The following ATP1B3 variants were observed in gnomAD, a reference collection of about 807,000 sequenced individuals.
ATP1B3 encodes the protein sodium/potassium-transporting ATPase subunit beta-3.
In ATP1B3, 10 loss-of-function variants were observed where a neutral mutation model predicts 30.2. That is an observed-to-expected ratio of 0.33 (90% CI 0.20 to 0.56). The LOEUF is 0.56. Among genes scored for constraint, ATP1B3 ranks in the 20% least tolerant of loss-of-function variants. The probability of loss-of-function intolerance (pLI) is 0.90; values close to 1 mark genes in which losing one functional copy is unlikely to be tolerated. For missense variants in ATP1B3, 238 were observed against 336.7 expected (o/e 0.71, Z 2.29); for synonymous variants, 113 against 117.0 (o/e 0.97, Z 0.22).
chr3:141,912,172 A>G (rs2107776264), intron 3 of ATP1B3, among the ~76,000 whole-genome samples: 1 of 147,890 alleles, frequency 6.8e-6, no homozygotes, highest in African/African-American at 2.5e-5. Flanking sequence ...TCTGGTAAGT[A>G]TAAGATGAAA....
At chr3:141,877,411 G>C (rs1250338090) in intron 1 of ATP1B3, 1 of 152,274 alleles carries the variant, frequency 6.6e-6, no homozygotes, top group Non-Finnish European at 1.5e-5. Flanking sequence ...CTTGTGACTC[G>C]TCCACGCTGC....
chr3:141,879,499 C>T (rs890789589), intron 1 of ATP1B3, among the ~76,000 whole-genome samples: 2 of 151,754 alleles, frequency 1.3e-5, no homozygotes, highest in South Asian at 4.2e-4. Flanking sequence ...GGGCCGGGCG[C>T]GGTGGCTCAC....
chr3:141,918,067 T>G (rs1261669650), intron 5 of ATP1B3, among the ~76,000 whole-genome samples: 1 of 151,986 alleles, frequency 6.6e-6, no homozygotes, highest in Non-Finnish European at 1.5e-5. Context: ...CGCGCCCAGC[T>G]GAGCTTTTCT....
chr3:141,899,265 A>G (rs1337432758), intron 1 of ATP1B3, among the ~76,000 whole-genome samples: 4 of 152,256 alleles, frequency 2.6e-5, no homozygotes, highest in African/African-American at 9.6e-5. Context: ...AATATACAAA[A>G]GATTATAAAC....
At chr3:141,877,212 C>A (rs1394365690) in intron 1 of ATP1B3, among the ~76,000 whole-genome samples, 1 of 117,702 alleles carries the variant, frequency 8.5e-6, no homozygotes, top group Admixed American at 8.4e-5. Context: ...CCCGGCGCGG[C>A]GCCGGAAGCC....
In ATP1B3 at chr3:141,907,288, C is replaced by G. The variant is rs1934280468; in HGVS notation, c.346+14C>G. ...AGTTTCTAAAACGTGAGTATGTTTT[C>G]TTAGAGTAAGGTCAGAGATTTTAGT... On this transcript the variant is annotated intron_variant, in intron 3 of 6. Transcript: ENST00000286371. 1 of 1,591,642 alleles carries G rather than the reference C, an allele frequency of 6.3e-7. No homozygotes were observed. The highest frequency in any genetic ancestry group is 8.6e-7 in the Non-Finnish European group (1 of 1,162,974).
chr3:141,925,965 GGTCTT>G lies in ATP1B3; in HGVS notation c.*268_*272del. The G allele has an allele frequency of 2.6e-6, 1 of 391,862 alleles. No individual in the cohort carries two copies. Among genetic ancestry groups the G allele is most frequent in the South Asian group, 7.5e-5 (1 of 13,348 alleles). 24.3% of individuals were successfully genotyped at this position (391,862 alleles called of 1,614,324 possible). On this transcript the variant is annotated 3_prime_UTR_variant, in exon 7 of 7. Transcript: ENST00000286371. ...CCTGATTCCAAACATGTAGGATGGG[GGTCTT>G]GTCCTCTTTTTATGTGGTTTAATTG...
At chr3:141,893,338 C>G (rs1041981892) in intron 1 of ATP1B3, among the ~76,000 whole-genome samples, 1 of 152,038 alleles carries the variant, frequency 6.6e-6, no homozygotes, top group Non-Finnish European at 1.5e-5. Context: ...TAAAATTTTA[C>G]CTTTTTATTT....
chr3:141,883,715 A>C (rs1032805289), intron 1 of ATP1B3, among the ~76,000 whole-genome samples: 1 of 152,170 alleles, frequency 6.6e-6, no homozygotes, highest in African/African-American at 2.4e-5. Context: ...AGTACTATGA[A>C]TGTTTCCATG....
At chr3:141,907,141 A>G in intron 2 of ATP1B3, 26 bp from the exon 3 acceptor site, 1 of 1,516,758 alleles carries the variant, frequency 6.6e-7, no homozygotes. Context: ...GAAATTTGAT[A>G]ATCTCTCCCT....
intron 1 of ATP1B3, among the ~76,000 whole-genome samples, chr3:141,901,689 A>G (rs1934165327): frequency 6.7e-6 from 1 of 149,450 alleles, no homozygotes; most frequent in Non-Finnish European, 1.5e-5. Flanking sequence ...CATATCTGCT[A>G]TATATTTATT....
chr3:141,913,281 C>G (rs1452330992), intron 3 of ATP1B3, among the ~76,000 whole-genome samples: 1 of 151,688 alleles, frequency 6.6e-6, no homozygotes, highest in Non-Finnish European at 1.5e-5. Context: ...CTTAATGACT[C>G]TCTTCCCCAC....
intron 2 of ATP1B3, among the ~76,000 whole-genome samples, chr3:141,904,930 C>T (rs1248187062): frequency 2.0e-5 from 3 of 151,884 alleles, no homozygotes; most frequent in Admixed American, 2.0e-4. Context: ...AGGCTGGTCT[C>T]GAACTCCTGA....
chr3:141,903,984 A>G (rs901933255), intron 2 of ATP1B3, among the ~76,000 whole-genome samples: 1 of 152,004 alleles, frequency 6.6e-6, no homozygotes, highest in Non-Finnish European at 1.5e-5. Context: ...GGGTTTTTCC[A>G]TGTTGGTCAG....
At position 141,919,298 on chromosome 3, in the gene ATP1B3, C is replaced by T. The variant is rs1242623750; in HGVS notation, c.583-2679C>T. The stretch of plus-strand genomic sequence containing the variant: ...TGCTTTTTTTTTTTCTCTCTCTCTC[C>T]ATAGAGACAGGGTGTCACCATGTTG... On this transcript the variant is annotated intron_variant, in intron 5 of 6. Transcript: ENST00000286371. Among the ~76,000 whole-genome samples, 6 of 151,042 alleles carry T rather than the reference C, an allele frequency of 4.0e-5. No homozygotes were observed. In the East Asian group the frequency reaches 9.8e-4, roughly 25 times the overall value.
rs1934406600 is a variant in ATP1B3 at position 141,913,656 on chromosome 3, T to C, written c.351T>C (p.Tyr117=). The C allele has an allele frequency of 6.2e-7, 1 of 1,608,988 alleles. No individual in the cohort carries two copies. The highest frequency in any genetic ancestry group is 8.5e-7 in the Non-Finnish European group (1 of 1,178,818). ...IEDLKKFLKP[Y]TLEEQKNLTV... ...ACATATATGTTTCCTTTTTAGCATA[T>C]ACTTTAGAAGAACAGAAGAACCTCA... Residue 117 remains tyrosine (Y), a synonymous_variant, in exon 4 of 7, where the codon TAT becomes TAC. Coordinates refer to ENST00000286371, the MANE Select transcript of ATP1B3 (RefSeq NM_001679.4).
intron 1 of ATP1B3, among the ~76,000 whole-genome samples, chr3:141,897,408 A>G (rs954451219): frequency 6.6e-6 from 1 of 152,164 alleles, no homozygotes; most frequent in African/African-American, 2.4e-5. Flanking sequence ...TATTATTCAC[A>G]TGTGAATTTC....
chr3:141,921,566 T>C (rs534776140), intron 5 of ATP1B3: 1 of 154,322 alleles, frequency 6.5e-6, no homozygotes, highest in South Asian at 2.0e-4. Flanking sequence ...TGGCTGTTGC[T>C]TTCCAGTCTG....
intron 1 of ATP1B3, among the ~76,000 whole-genome samples, chr3:141,891,113 T>C (rs535428992): frequency 4.9e-4 from 74 of 152,332 alleles, no homozygotes; most frequent in South Asian, 2.9e-3. Context: ...ATTTCCCCAA[T>C]GATATGAATT....
Sources: gnomAD v4.1 joint callset for allele counts (sites outside exome capture counted in the v4.1 genomes callset) on GRCh38, gnomAD v4.1.1 for gene constraint, MANE v1.5 for transcripts, NCBI Gene and HGNC (gene_info 2026-07-23, HGNC 2026-07-21) for gene names.